The following COLEC11 variants were observed in gnomAD, a reference collection of about 807,000 sequenced individuals.
COLEC11 encodes collectin-11.
A neutral mutation model predicts 27.3 loss-of-function variants in COLEC11; 20 were observed. The ratio of observed to expected loss-of-function variants is 0.73; its 90% CI spans 0.51 to 1.06. The LOEUF (loss-of-function observed/expected upper bound fraction) is 1.06. Ranked by LOEUF, COLEC11 falls within the 50% of genes least tolerant of loss-of-function variation. COLEC11 has a pLI of 0.00. For synonymous variants in COLEC11, 163 were observed against 154.7 expected (o/e 1.05, Z -0.40); for missense variants, 310 against 383.0 (o/e 0.81, Z 1.59).
chr2:3,625,473 C>A (rs1179786318), intron 3 of COLEC11, among the ~76,000 whole-genome samples: 1 of 151,930 alleles, frequency 6.6e-6, no homozygotes, highest in Non-Finnish European at 1.5e-5. Flanking sequence ...TTTCTGAAAT[C>A]TGGAGACAGG....
intron 1 of COLEC11, among the ~76,000 whole-genome samples, chr2:3,596,939 C>T (rs977193107): frequency 3.3e-5 from 5 of 152,260 alleles, no homozygotes; most frequent in African/African-American, 7.2e-5. Context: ...TCCTGCTGTG[C>T]GTCTGAGAGC....
At chr2:3,611,119 C>G (rs1215878867) in intron 2 of COLEC11, among the ~76,000 whole-genome samples, 8 of 152,210 alleles carry the variant, frequency 5.3e-5, no homozygotes, top group Non-Finnish European at 1.2e-4. Context: ...AGGCTTTGTT[C>G]CTCTCTTTCC....
chr2:3,614,773 CA>C (rs1338044413), intron 3 of COLEC11, among the ~76,000 whole-genome samples: 1 of 152,092 alleles, frequency 6.6e-6, no homozygotes, highest in Non-Finnish European at 1.5e-5. Context: ...AGAAACCTGG[CA>C]AAGTAAACGA....
chr2:3,618,945 C>G (rs1663980164), intron 3 of COLEC11, among the ~76,000 whole-genome samples: 1 of 152,058 alleles, frequency 6.6e-6, no homozygotes, highest in Admixed American at 6.5e-5. Flanking sequence ...GAGATTGTTT[C>G]CTTAATTTTT....
At chr2:3,604,110 G>A (rs983311450) in intron 1 of COLEC11, 2 of 626,592 alleles carry the variant, frequency 3.2e-6, no homozygotes, top group Non-Finnish European at 5.6e-6. Flanking sequence ...TTGGTGCCTG[G>A]TGCTGACCCT....
At chr2:3,628,722 A>T (rs1012670004) in intron 3 of COLEC11, among the ~76,000 whole-genome samples, 1 of 152,256 alleles carries the variant, frequency 6.6e-6, no homozygotes, top group Non-Finnish European at 1.5e-5. Context: ...TCACCGAGGA[A>T]GCTGAATTTC....
intron 3 of COLEC11, among the ~76,000 whole-genome samples, chr2:3,637,329 C>T (rs1270869680): frequency 6.6e-6 from 1 of 152,208 alleles, no homozygotes; most frequent in Non-Finnish European, 1.5e-5. Context: ...GTGCATCTTC[C>T]TTTGGAAGCT....
intron 3 of COLEC11, among the ~76,000 whole-genome samples, chr2:3,627,272 C>T (rs1485714024): frequency 2.8e-5 from 4 of 145,418 alleles, no homozygotes; most frequent in African/African-American, 5.2e-5. Flanking sequence ...ACGCTGGTCA[C>T]GATGCTGTGC....
intron 3 of COLEC11, among the ~76,000 whole-genome samples, chr2:3,637,077 GCCAC>G (rs1665470806): frequency 6.6e-6 from 1 of 152,142 alleles, no homozygotes; most frequent in African/African-American, 2.4e-5. Flanking sequence ...TTTTCCACCT[GCCAC>G]CCACCCACCA....
chr2:3,595,228 G>A, intron 1 of COLEC11, 60 bp downstream of exon 1: 1 of 202,916 alleles, frequency 4.9e-6, no homozygotes, highest in Non-Finnish European at 1.0e-5. Context: ...CAGTGCAGAG[G>A]GGAGGCAGGC....
At chr2:3,642,246 C>T (rs185750108) in intron 5 of COLEC11, among the ~76,000 whole-genome samples, 40 of 152,344 alleles carry the variant, frequency 2.6e-4, no homozygotes, top group Admixed American at 2.4e-3. Context: ...GGGCCCAGAT[C>T]TCAGGCTCTC....
chr2:3,632,104 C>T (rs962730079), intron 3 of COLEC11, among the ~76,000 whole-genome samples: 3 of 152,178 alleles, frequency 2.0e-5, no homozygotes, highest in Non-Finnish European at 2.9e-5. Flanking sequence ...ACCCGAGGCA[C>T]GGAATGCCCT....
chr2:3,620,943 G>T (rs1664139194), intron 3 of COLEC11, among the ~76,000 whole-genome samples: 1 of 152,156 alleles, frequency 6.6e-6, no homozygotes, highest in Non-Finnish European at 1.5e-5. Flanking sequence ...CTTGTTTTGT[G>T]GCCTAACGTA....
chr2:3,596,316 T>C (rs1451136856), intron 1 of COLEC11, among the ~76,000 whole-genome samples: 1 of 151,462 alleles, frequency 6.6e-6, no homozygotes, highest in African/African-American at 2.4e-5. Context: ...GAAGCCATGA[T>C]TTTTTCTCAT....
chr2:3,634,135 TC>T lies in COLEC11; in HGVS notation c.203-3396del, dbSNP rs1239432087. Among the ~76,000 whole-genome samples the T allele has an allele frequency of 2.0e-5, 3 of 152,024 alleles. No homozygotes were observed. In the East Asian group the frequency reaches 5.8e-4, roughly 29 times the overall value. ...AGAGGAATTTGGTGGGGGACACAGT[TC>T]CATCCACTGCAGGAGGTGACGGTGC... On this transcript the variant is annotated intron_variant, in intron 3 of 6. Transcript: ENST00000349077.
At chr2:3,624,188 C>T (rs546884478) in intron 3 of COLEC11, among the ~76,000 whole-genome samples, 1 of 152,300 alleles carries the variant, frequency 6.6e-6, no homozygotes, top group East Asian at 1.9e-4. Flanking sequence ...TGCCTTCTCC[C>T]TCCCCATCCC....
chr2:3,622,168 C>CAAA (rs1211301931), intron 3 of COLEC11, among the ~76,000 whole-genome samples: 2 of 85,498 alleles, frequency 2.3e-5, no homozygotes, highest in Admixed American at 1.3e-4. Flanking sequence ...GACTCCATCT[C>CAAA]AAAAAAAAAA....
intron 3 of COLEC11, among the ~76,000 whole-genome samples, chr2:3,624,481 G>T (rs1273601656): frequency 6.6e-6 from 1 of 152,150 alleles, no homozygotes; most frequent in Non-Finnish European, 1.5e-5. Context: ...AGACAAGAAA[G>T]AAGCAGACTT....
At chr2:3,595,776 C>T (rs1661799758) in intron 1 of COLEC11, among the ~76,000 whole-genome samples, 2 of 152,222 alleles carry the variant, frequency 1.3e-5, no homozygotes, top group South Asian at 4.1e-4. Context: ...AGGGCCGCTG[C>T]CTCCTACCTG....
Sources: allele counts gnomAD v4.1 joint callset (sites outside exome capture counted in the v4.1 genomes callset), GRCh38; gene constraint gnomAD v4.1.1; transcripts MANE v1.5; gene names NCBI Gene and HGNC (gene_info 2026-07-23, HGNC 2026-07-21).